PRKDC: variants seen among roughly 807,000 people sequenced by gnomAD.
The protein encoded by PRKDC is protein kinase, DNA-activated, catalytic subunit.
A neutral mutation model predicts 486.9 loss-of-function variants in PRKDC; 82 were observed. The ratio of observed to expected loss-of-function variants is 0.17; its 90% CI spans 0.14 to 0.20. The LOEUF is 0.20. Among genes scored for constraint, PRKDC ranks in the 10% least tolerant of loss-of-function variants. PRKDC has a pLI of 1.00. For missense variants in PRKDC, 4,504 were observed against 5,038.2 expected (o/e 0.89, Z 3.21); for synonymous variants, 1,895 against 1,837.0 (o/e 1.03, Z -0.81).
intron 7 of PRKDC, among the ~76,000 whole-genome samples, chr8:47,948,713 CAGCCTCCCAA>C (rs1381842892): frequency 6.6e-6 from 1 of 152,028 alleles, no homozygotes; most frequent in East Asian, 1.9e-4. Flanking sequence ...CCGCCCACCT[CAGCCTCCCAA>C]AGTGCTGGGA....
intron 69 of PRKDC, among the ~76,000 whole-genome samples, chr8:47,804,029 C>A (rs1263589947): frequency 2.0e-5 from 3 of 152,132 alleles, no homozygotes; most frequent in Admixed American, 2.0e-4. Context: ...ACCCCTAATT[C>A]CAGAACATTT....
intron 11 of PRKDC, among the ~76,000 whole-genome samples, chr8:47,936,847 A>C: frequency 6.8e-6 from 1 of 148,044 alleles, no homozygotes; most frequent in Non-Finnish European, 1.5e-5. Flanking sequence ...CTGGTCTCAA[A>C]CTCCCGACCT....
At chr8:47,875,453 T>C (rs1444538518) in intron 40 of PRKDC, among the ~76,000 whole-genome samples, 1 of 152,216 alleles carries the variant, frequency 6.6e-6, no homozygotes, top group East Asian at 1.9e-4. Flanking sequence ...CCTTCCTTTG[T>C]ATTACCTTGG....
At chr8:47,915,439 A>G (rs1173657070) in intron 22 of PRKDC, 21 bp from the exon 23 acceptor site, 7 of 1,329,544 alleles carry the variant, frequency 5.3e-6, no homozygotes, top group Non-Finnish European at 7.3e-6. Context: ...GAACAATTGT[A>G]TATATGTGAT....
At chr8:47,832,051 C>T in intron 59 of PRKDC, 125 bp from the exon 60 acceptor site, 2 of 765,576 alleles carry the variant, frequency 2.6e-6, no homozygotes, top group Admixed American at 4.5e-5. Context: ...CGACCGGGAG[C>T]AGGAGTGCAG....
At chr8:47,904,764 G>C in intron 26 of PRKDC, 105 bp downstream of exon 26, 1 of 883,892 alleles carries the variant, frequency 1.1e-6, no homozygotes, top group South Asian at 1.8e-5. Context: ...CTGCATTCCA[G>C]CCTGGGCGAC....
chr8:47,773,692 T>C lies in PRKDC; in HGVS notation c.*481A>G. 4.4e-6 allele frequency: 1 copy of C among 224,928 alleles called. No homozygotes were observed. The highest frequency in any genetic ancestry group is 8.9e-6 in the Non-Finnish European group (1 of 112,900). The allele number at this position is 224,928 out of a possible 1,614,324, so 13.9% of individuals were successfully genotyped here. A position where few individuals can be genotyped will look rare whatever the true frequency, so the allele number is the denominator to read the frequency against. On this transcript the variant is annotated 3_prime_UTR_variant, in exon 86 of 86. Transcript: ENST00000314191. ...TAATTATAGCTTTACCTATTGTTCTTATTGTTCCTATGCTGCTTCTACAAT... is the reference window on the plus strand; with the variant it reads ...TAATTATAGCTTTACCTATTGTTCTCATTGTTCCTATGCTGCTTCTACAAT...
chr8:47,954,645 C>T (rs1428388953), intron 4 of PRKDC, among the ~76,000 whole-genome samples, 199 bp from the exon 5 acceptor site: 1 of 152,110 alleles, frequency 6.6e-6, no homozygotes, highest in Non-Finnish European at 1.5e-5. Context: ...CCCAGCTTAT[C>T]TGGGAATTAG....
rs368018782 is a variant in PRKDC, at chr8:47,904,953, T to C, written c.2958A>G (p.Pro986=). 2 of 1,613,502 alleles carry C rather than the reference T, an allele frequency of 1.2e-6. No homozygotes were observed. The highest frequency in any genetic ancestry group is 2.7e-5 in the African/African-American group (2 of 75,048). The change falls in exon 26 of 86, where the codon CCA becomes CCG. Residue 986 remains proline (P), a synonymous_variant. Transcript: ENST00000314191. The part of the protein sequence containing the change: ...VDQVTRQLYE[P]LVMQLIHWFT... ...ACCAGTGAATCAGCTGCATAACTAGTGGCTCATACAGTTGCCTTGTCACCT... is the reference window on the plus strand; with the variant it reads ...ACCAGTGAATCAGCTGCATAACTAGCGGCTCATACAGTTGCCTTGTCACCT...
chr8:47,844,737 T>C (rs1252219035), intron 54 of PRKDC, among the ~76,000 whole-genome samples: 1 of 151,848 alleles, frequency 6.6e-6, no homozygotes, highest in Non-Finnish European at 1.5e-5. Flanking sequence ...CCAAGACCTC[T>C]CAAAACCATA....
chr8:47,887,582 C>T lies in PRKDC; in HGVS notation c.4537G>A (p.Gly1513Arg), dbSNP rs567617670. 1.8e-5 allele frequency: 29 copies of T among 1,593,808 alleles called. No homozygotes were observed. The highest frequency in any genetic ancestry group is 4.6e-5 in the South Asian group (4 of 87,352). Residue 1513 changes from glycine (G) to arginine (R), a missense_variant, in exon 35 of 86, where the codon GGA becomes AGA. Gly to Arg is a moderately radical substitution (Grantham distance 125, BLOSUM62 -2). Coordinates refer to ENST00000314191, the MANE Select transcript of PRKDC (RefSeq NM_006904.7). Reference protein sequence around the residue: ...LDLSCKQLASGLLELAFAFGG... With the variant: ...LDLSCKQLASRLLELAFAFGG... ...AAAGCAAAGGCTAACTCCAGAAGTC[C>T]GCTGGCCAGCTGCTTACAACTGAGG...
intron 30 of PRKDC, among the ~76,000 whole-genome samples, chr8:47,895,634 T>A (rs940015816): frequency 6.6e-6 from 1 of 152,086 alleles, no homozygotes; most frequent in African/African-American, 2.4e-5. Flanking sequence ...CCCACTGCCC[T>A]CCAGCCCTTC....
At position 47,930,774 on chromosome 8, in the gene PRKDC, G is replaced by A. The variant is rs748142940; in HGVS notation, c.1790C>T (p.Ala597Val). ...TVGEQENGDE[A>V]PGVWMIPTSD... is the part of the protein sequence containing the mutation. The stretch of plus-strand genomic sequence containing the variant: ...AGTTGGGATCATCCAAACACCAGGC[G>A]CCTCATCTCCATTCTTAAAGAGTAA... The change falls in exon 17 of 86, where the codon GCG becomes GTG. Residue 597 changes from alanine (A) to valine (V), a missense_variant. Around this residue, in one of 6 missense-constraint regions of PRKDC, gnomAD observed 1,969 missense variants for 2,068.9 expected, o/e 0.95. Transcript: ENST00000314191. 32 of 1,578,316 alleles carry A rather than the reference G, an allele frequency of 2.0e-5. No individual in the cohort carries two copies. Among genetic ancestry groups the A allele is most frequent in the Non-Finnish European group, 2.7e-5 (31 of 1,162,942 alleles).
At position 47,881,107 on chromosome 8, in the gene PRKDC, A is replaced by C. The variant is rs149372732; in HGVS notation, c.5067+309T>G. The stretch of plus-strand genomic sequence containing the variant: ...GCAAGAAAGCAAGCAAGCAAGCAAG[A>C]AAGAAAGAAATGTTCTCATGTCTTG... On this transcript the variant is annotated intron_variant, in intron 38 of 85. Transcript: ENST00000314191. 7.6e-3 allele frequency among the ~76,000 whole-genome samples: 1,153 copies of C among 151,142 alleles called. 16 individuals carry two copies. Among genetic ancestry groups the C allele is most frequent in the African/African-American group, 0.021 (870 of 40,582 alleles).
chr8:47,821,524 A>G, intron 65 of PRKDC, 80 bp downstream of exon 65: 1 of 1,406,740 alleles, frequency 7.1e-7, no homozygotes, highest in African/African-American at 1.4e-5. Flanking sequence ...CCTGTTTTTG[A>G]AATGTTTTAA....
chr8:47,807,317 A>G lies in PRKDC; in HGVS notation c.9567T>C (p.Phe3189=). Residue 3189 remains phenylalanine, a synonymous_variant, in exon 69 of 86, where the codon TTT becomes TTC. Coordinates refer to ENST00000314191, the MANE Select transcript of PRKDC (RefSeq NM_006904.7). Reference sequence around the variant, plus strand: ...TAAGCTTCTCCTCTATTTTGCTGAGAAAGAAACATCTACACAAAGAAAAAT... The same window carrying G: ...TAAGCTTCTCCTCTATTTTGCTGAGGAAGAAACATCTACACAAAGAAAAAT... ...WDDIITNRCF[F]LSKIEEKLTP... 1 of 1,559,976 alleles carries G rather than the reference A, an allele frequency of 6.4e-7. No individual in the cohort carries two copies. Among genetic ancestry groups the G allele is most frequent in the Non-Finnish European group, 8.7e-7 (1 of 1,150,616 alleles).
chr8:47,901,785 A>G (rs1267004005), intron 27 of PRKDC, among the ~76,000 whole-genome samples: 1 of 152,072 alleles, frequency 6.6e-6, no homozygotes. Flanking sequence ...TCAGGGGTAC[A>G]TGTGCAGGAT....
chr8:47,795,036 G>A (rs1228761132), intron 73 of PRKDC, among the ~76,000 whole-genome samples: 1 of 150,890 alleles, frequency 6.6e-6, no homozygotes, highest in African/African-American at 2.4e-5. Context: ...CTACAGGTGC[G>A]CCACCATGCC....
chr8:47,796,646 C>T (rs948100244), intron 73 of PRKDC, among the ~76,000 whole-genome samples: 2 of 151,562 alleles, frequency 1.3e-5, no homozygotes, highest in African/African-American at 4.9e-5. Context: ...GTCGTCTAGG[C>T]TAGAGTGCAG....
Sources: gnomAD v4.1 joint callset for allele counts (sites outside exome capture counted in the v4.1 genomes callset) on GRCh38, gnomAD v4.1.1 for gene constraint, gnomAD v4.1.1 regional missense constraint, MANE v1.5 for transcripts, NCBI Gene and HGNC (gene_info 2026-07-23, HGNC 2026-07-21) for gene names.